CLSTN1: variants seen among roughly 807,000 people sequenced by gnomAD.
CLSTN1 encodes calsyntenin-1.
Under a neutral mutation model 108.3 loss-of-function variants are expected in CLSTN1, and 28 were observed. That is an observed-to-expected ratio of 0.26 (90% confidence interval 0.19 to 0.35). CLSTN1 has a LOEUF of 0.35. Among genes scored for constraint, CLSTN1 ranks in the 10% least tolerant of loss-of-function variants. The pLI, the probability that CLSTN1 is intolerant of heterozygous loss-of-function variation, is 1.00. For synonymous variants in CLSTN1, 524 were observed against 534.9 expected, an observed-to-expected ratio of 0.98 and a Z score of 0.28; for missense variants, 1,157 against 1,302.6, an observed-to-expected ratio of 0.89 and a Z score of 1.72.
rs1650518976 is a variant in CLSTN1 at position 9,733,534 on chromosome 1, A to G, written c.2294T>C (p.Met765Thr). Residue 765 changes from methionine to threonine, a missense_variant, in exon 16 of 19, where the codon ATG becomes ACG. Physicochemically the swap from Met to Thr is moderately conservative, Grantham distance 81. Coordinates refer to ENST00000377298, the MANE Select transcript of CLSTN1 (RefSeq NM_001009566.3). ...GTGCAAAACCTCCTCGTAGCTGGCC[A>G]TGGTGTCCACGCCTGCAGGGGTTGA... ...LGMTFTGVDT[M>T]ASYEEVLHLL... 3.1e-6 allele frequency: 5 copies of G among 1,614,072 alleles called. No homozygotes were observed. Among genetic ancestry groups the G allele is most frequent in the East Asian group, 2.2e-5 (1 of 44,886 alleles).
Position 9,733,524 on chromosome 1 carries a change from G to A in CLSTN1, c.2304C>T (p.Tyr768=), listed in dbSNP as rs781536624. The change falls in exon 16 of 19, where the codon TAC becomes TAT. Residue 768 remains tyrosine, a synonymous_variant. Transcript: ENST00000377298. ...TFTGVDTMAS[Y]EEVLHLLRYR... Reference sequence around the variant, plus strand: ...AGCGCAGCAGGTGCAAAACCTCCTCGTAGCTGGCCATGGTGTCCACGCCTG... The same window carrying A: ...AGCGCAGCAGGTGCAAAACCTCCTCATAGCTGGCCATGGTGTCCACGCCTG... 52 of 1,614,012 alleles carry A rather than the reference G, an allele frequency of 3.2e-5. No homozygotes were observed. Among genetic ancestry groups the A allele is most frequent in the Admixed American group, 2.7e-4 (16 of 60,004 alleles).
At chr1:9,813,222 A>C (rs1047353274) in intron 1 of CLSTN1, among the ~76,000 whole-genome samples, 3 of 151,572 alleles carry the variant, frequency 2.0e-5, no homozygotes, top group Middle Eastern at 3.4e-3. Flanking sequence ...TTTGGGACAG[A>C]TGCAGTGGCT....
chr1:9,744,757 T>C (rs1320855759), intron 7 of CLSTN1, 114 bp from the exon 8 acceptor site: 2 of 899,288 alleles, frequency 2.2e-6, no homozygotes, highest in African/African-American at 1.8e-5. Flanking sequence ...TCCAGTTTAC[T>C]TTTTTTTTTT....
intron 1 of CLSTN1, among the ~76,000 whole-genome samples, chr1:9,804,831 T>TA: frequency 6.6e-6 from 1 of 150,386 alleles, no homozygotes; most frequent in East Asian, 2.0e-4. Flanking sequence ...GACCCTGTCT[T>TA]AAAAAAAGAA....
intron 10 of CLSTN1, among the ~76,000 whole-genome samples, chr1:9,740,613 C>T (rs925650687): frequency 6.6e-6 from 1 of 152,164 alleles, no homozygotes; most frequent in Admixed American, 6.5e-5. Context: ...CCTCCCCACA[C>T]GTGGCCCTTG....
At chr1:9,788,980 G>A (rs1447821915) in intron 1 of CLSTN1, among the ~76,000 whole-genome samples, 1 of 151,032 alleles carries the variant, frequency 6.6e-6, no homozygotes, top group East Asian at 2.0e-4. Flanking sequence ...TAATGTCCTC[G>A]AGGTGCCCCC....
chr1:9,737,483 A>G lies in CLSTN1; in HGVS notation c.1576+15T>C, dbSNP rs770691559. 10 of 1,611,176 alleles carry G rather than the reference A, an allele frequency of 6.2e-6. No individual in the cohort carries two copies. Among genetic ancestry groups the G allele is most frequent in the South Asian group, 2.2e-5 (2 of 90,970 alleles). On this transcript the variant is annotated intron_variant, in intron 11 of 18. Transcript: ENST00000377298. ...ATGAAACACAATAGTGAATGTAGGG[A>G]AAAAATCCAGCAACCTGCAGAGGCC...
At chr1:9,743,381 T>G (rs1414055419) in intron 9 of CLSTN1, among the ~76,000 whole-genome samples, 1 of 152,122 alleles carries the variant, frequency 6.6e-6, no homozygotes, top group East Asian at 1.9e-4. Flanking sequence ...CTAGCCTGGC[T>G]AATATGGTGA....
rs113745701 is a variant in CLSTN1 at position 9,791,532 on chromosome 1, C to T, written c.92-18138G>A. 8.9e-3 allele frequency among the ~76,000 whole-genome samples: 1,346 copies of T among 150,832 alleles called. 24 individuals are homozygous for T. The highest frequency in any genetic ancestry group is 0.03 in the African/African-American group (1,247 of 41,248). ...TACAGGAGTGAGCCACCATGCCCGG[C>T]CCAAATCCTTTTTTTTTGAGATGGA... On this transcript the variant is annotated intron_variant, in intron 1 of 18. Transcript: ENST00000377298.
rs1232711579 is a variant in CLSTN1, at chr1:9,773,336, G to A, written c.150C>T (p.Asp50=). 6.2e-7 allele frequency: 1 copy of A among 1,614,196 alleles called. No homozygotes were observed. The highest frequency in any genetic ancestry group is 8.5e-7 in the Non-Finnish European group (1 of 1,180,032). ...PTYHGIVTEN[D]NTVLLDPPLI... is the part of the protein sequence containing the mutation. The stretch of plus-strand genomic sequence containing the variant: ...GTGGGGGGTCGAGGAGCACGGTGTT[G>A]TCGTTCTCTGTGACTATGCCGTGGT... Residue 50 remains aspartate (D), a synonymous_variant, in exon 2 of 19, where the codon GAC becomes GAT. Coordinates refer to ENST00000377298, the MANE Select transcript of CLSTN1 (RefSeq NM_001009566.3).
chr1:9,731,639 G>T, intron 17 of CLSTN1, 122 bp downstream of exon 17: 3 of 1,037,374 alleles, frequency 2.9e-6, no homozygotes, highest in Non-Finnish European at 4.4e-6. Context: ...TGTGTGATGG[G>T]GAATAATTGG....
chr1:9,793,233 G>C (rs1306018939), intron 1 of CLSTN1, among the ~76,000 whole-genome samples: 1 of 151,296 alleles, frequency 6.6e-6, no homozygotes, highest in African/African-American at 2.4e-5. Flanking sequence ...GGCTGGTCTC[G>C]AACTCCTGAC....
chr1:9,820,222 G>T (rs934071310), intron 1 of CLSTN1, among the ~76,000 whole-genome samples: 1 of 151,990 alleles, frequency 6.6e-6, no homozygotes, highest in Non-Finnish European at 1.5e-5. Flanking sequence ...TATCGACACT[G>T]CAGAATTTAA....
intron 9 of CLSTN1, among the ~76,000 whole-genome samples, chr1:9,741,575 G>T (rs1295598701): frequency 1.3e-5 from 2 of 152,140 alleles, no homozygotes; most frequent in African/African-American, 4.8e-5. Flanking sequence ...CGAAAGGGTT[G>T]AGTTAGTTTA....
At chr1:9,755,352 G>A in intron 3 of CLSTN1, 43 bp from the exon 4 acceptor site, 11 of 1,518,414 alleles carry the variant, frequency 7.2e-6, no homozygotes, top group Non-Finnish European at 9.9e-6. Flanking sequence ...CTACCACATA[G>A]ATCTTCTGCA....
rs1020172994 is a variant in CLSTN1, at chr1:9,734,735, C to G, written c.2110+213G>C. 3.3e-5 allele frequency among the ~76,000 whole-genome samples: 5 copies of G among 152,102 alleles called. No homozygotes were observed. The highest frequency in any genetic ancestry group is 1.2e-4 in the African/African-American group (5 of 41,416). ...CCACATCTCAAAGCCTGGCAGCAAC[C>G]AGGAAAAGATGTAAGACCCCTCCAG... On this transcript the variant is annotated intron_variant, in intron 14 of 18. Coordinates refer to ENST00000377298, the MANE Select transcript of CLSTN1 (RefSeq NM_001009566.3). The surrounding 1 kb of genome is among the most constrained non-coding windows in gnomAD (Gnocchi z 4.8).
intron 1 of CLSTN1, among the ~76,000 whole-genome samples, chr1:9,809,976 C>T (rs368952669): frequency 5.0e-5 from 7 of 140,668 alleles, no homozygotes; most frequent in East Asian, 4.2e-4. Context: ...GAGGCAGAGG[C>T]TGCAGTGAGC....
intron 16 of CLSTN1, 92 bp from the exon 17 acceptor site, chr1:9,731,988 C>G: frequency 6.6e-7 from 1 of 1,515,360 alleles, no homozygotes; most frequent in Non-Finnish European, 9.1e-7. Context: ...ATGACCAGTG[C>G]CACTCAGAGT....
intron 1 of CLSTN1, among the ~76,000 whole-genome samples, chr1:9,774,423 AG>A (rs1008083439): frequency 2.0e-5 from 3 of 152,046 alleles, no homozygotes; most frequent in African/African-American, 7.2e-5. Context: ...AAAATGAGCC[AG>A]GTGTGGTGGC....
Sources: gnomAD v4.1 joint callset for allele counts (sites outside exome capture counted in the v4.1 genomes callset) on GRCh38, gnomAD v4.1.1 for gene constraint, Gnocchi (gnomAD v3.1) non-coding constraint, MANE v1.5 for transcripts, NCBI Gene and HGNC (gene_info 2026-07-23, HGNC 2026-07-21) for gene names.